GRID2: variants seen among roughly 807,000 people sequenced by gnomAD.
The protein encoded by GRID2 is glutamate receptor ionotropic, delta-2.
In GRID2, 33 loss-of-function variants were observed where a neutral mutation model predicts 114.8. The observed-to-expected ratio is 0.29, with a 90% CI of 0.22 to 0.38. GRID2 has a LOEUF of 0.38. GRID2 is among the 10% of genes least tolerant of loss of function. The pLI, the probability that GRID2 is intolerant of heterozygous loss-of-function variation, is 1.00. For synonymous variants in GRID2, 505 were observed against 449.9 expected, an observed-to-expected ratio of 1.12 and a Z score of -1.55; for missense variants, 1,184 against 1,257.7, an observed-to-expected ratio of 0.94 and a Z score of 0.89.
chr4:93,620,779 G>T (rs1397485243), intron 13 of GRID2, among the ~76,000 whole-genome samples: 4 of 152,130 alleles, frequency 2.6e-5, no homozygotes, highest in Non-Finnish European at 5.9e-5. Flanking sequence ...GCATAAACGA[G>T]AAATGGTCTC....
intron 3 of GRID2, among the ~76,000 whole-genome samples, chr4:93,092,203 A>G (rs1352777090): frequency 6.6e-6 from 1 of 152,120 alleles, no homozygotes; most frequent in African/African-American, 2.4e-5. Context: ...GAGTTCCTTG[A>G]CTACCAGGCC....
Position 93,739,458 on chromosome 4 carries a change from T to C in GRID2, c.2361-29752T>C, listed in dbSNP as rs745915580. On this transcript the variant is annotated intron_variant, in intron 14 of 15. Transcript: ENST00000282020. ...CAAACTGCAGGGCCCATGTTACTTA[T>C]AGCTGCAAATTGGCCCACTGGATAT... is the stretch of plus-strand genomic sequence containing the variant. Among the ~76,000 whole-genome samples, 96 of 152,076 alleles carry C rather than the reference T, an allele frequency of 6.3e-4. 1 individual carries two copies. The highest frequency in any genetic ancestry group is 1.2e-3 in the Non-Finnish European group (83 of 67,994).
intron 1 of GRID2, among the ~76,000 whole-genome samples, chr4:92,564,542 G>A (rs1020297847): frequency 6.6e-6 from 1 of 151,946 alleles, no homozygotes; most frequent in Non-Finnish European, 1.5e-5. Flanking sequence ...TGAAATTGAA[G>A]AAGGCCATCT....
chr4:93,493,084 A>G (rs992168269), intron 12 of GRID2, among the ~76,000 whole-genome samples: 6 of 151,910 alleles, frequency 3.9e-5, no homozygotes, highest in Admixed American at 3.3e-4. Context: ...ATAGCAAAAC[A>G]GTTTTTAATC....
intron 1 of GRID2, among the ~76,000 whole-genome samples, chr4:92,487,709 A>G (rs749008085): frequency 1.3e-5 from 2 of 151,598 alleles, no homozygotes; most frequent in African/African-American, 2.4e-5. Context: ...CAATTTATCA[A>G]TGTTTTCTCT....
At chr4:93,718,328 A>T (rs779780959) in intron 14 of GRID2, among the ~76,000 whole-genome samples, 1 of 152,204 alleles carries the variant, frequency 6.6e-6, no homozygotes, top group African/African-American at 2.4e-5. Context: ...CTATCAGAAG[A>T]TTGACATTGC....
Position 93,772,271 on chromosome 4 carries a change from A to C in GRID2, c.2797A>C (p.Ile933Leu). ...CACTCATATTACCACAACAACCTTTATCCCAGAGCAGATCCAGACTCTTAG... is the reference window on the plus strand; with the variant it reads ...CACTCATATTACCACAACAACCTTTCTCCCAGAGCAGATCCAGACTCTTAG... ...RNTHITTTTF[I>L]PEQIQTLSRT... The change falls in exon 16 of 16, where the codon ATC becomes CTC. Residue 933 changes from isoleucine (I) to leucine (L), a missense_variant. Transcript: ENST00000282020. 1 of 1,614,134 alleles carries C rather than the reference A, an allele frequency of 6.2e-7. No homozygotes were observed. The highest frequency in any genetic ancestry group is 8.5e-7 in the Non-Finnish European group (1 of 1,179,990).
chr4:92,588,199 G>A (rs984754077), intron 1 of GRID2, among the ~76,000 whole-genome samples: 2 of 151,896 alleles, frequency 1.3e-5, no homozygotes, highest in Admixed American at 6.6e-5. Flanking sequence ...TAGCAAGATA[G>A]GTCAAACATT....
chr4:93,796,120 G>C (rs548489635), intron 1 of GRID2, among the ~76,000 whole-genome samples: 47 of 152,194 alleles, frequency 3.1e-4, no homozygotes, highest in African/African-American at 9.9e-4. Flanking sequence ...GCCATTTCCA[G>C]ATGCCCTCCC....
chr4:92,841,238 T>C (rs1281302554), intron 2 of GRID2, among the ~76,000 whole-genome samples: 1 of 152,104 alleles, frequency 6.6e-6, no homozygotes, highest in African/African-American at 2.4e-5. Flanking sequence ...AGCTGAAATC[T>C]TTTTGTCAGA....
At chr4:92,453,258 A>G (rs1721037947) in intron 1 of GRID2, among the ~76,000 whole-genome samples, 1 of 152,230 alleles carries the variant, frequency 6.6e-6, no homozygotes, top group Admixed American at 6.5e-5. Context: ...AGTTGGACTG[A>G]CAGAATCTTG....
rs1416202368 is a variant in GRID2, at chr4:92,581,810, CT to C, written c.89-8320del. On this transcript the variant is annotated intron_variant, in intron 1 of 15. Transcript: ENST00000282020. ...TGAATTATTAAAAATATTTCGGACA[CT>C]AGCTAAATGTAAATTACAATGCACA... 3.9e-5 allele frequency among the ~76,000 whole-genome samples: 6 copies of C among 152,116 alleles called. No individual in the cohort carries two copies. The South Asian group carries it at 1.2e-3, about 32-fold the overall frequency.
At chr4:93,149,243 A>G (rs993717514) in intron 4 of GRID2, among the ~76,000 whole-genome samples, 1 of 152,180 alleles carries the variant, frequency 6.6e-6, no homozygotes. Context: ...CCACAAGGGA[A>G]CCTAGGACAA....
In GRID2 at chr4:93,146,550, G is replaced by A. The variant is rs1414091031; in HGVS notation, c.735+35597G>A. Among the ~76,000 whole-genome samples, 7 of 152,114 alleles carry A rather than the reference G, an allele frequency of 4.6e-5. No homozygotes were observed. In the East Asian group the frequency reaches 1.4e-3, roughly 30 times the overall value. ...GTGCACAAAGAGTGATAATGCATCT[G>A]AAGAGTCTTTCTGGATTCTCTGTGT... is the stretch of plus-strand genomic sequence containing the variant. On this transcript the variant is annotated intron_variant, in intron 4 of 15. Transcript: ENST00000282020.
At chr4:93,668,654 G>C (rs1279231313) in intron 14 of GRID2, among the ~76,000 whole-genome samples, 1 of 152,044 alleles carries the variant, frequency 6.6e-6, no homozygotes, top group Non-Finnish European at 1.5e-5. Flanking sequence ...GCAATTATTA[G>C]GATTTTATTC....
intron 13 of GRID2, among the ~76,000 whole-genome samples, chr4:93,579,943 G>A (rs535384384): frequency 6.6e-6 from 1 of 152,238 alleles, no homozygotes; most frequent in Admixed American, 6.5e-5. Flanking sequence ...TCTGTCATTC[G>A]GATCATCTCC....
intron 10 of GRID2, among the ~76,000 whole-genome samples, chr4:93,434,185 T>C (rs993838070): frequency 4.6e-5 from 7 of 152,196 alleles, no homozygotes; most frequent in African/African-American, 1.4e-4. Context: ...CTCGGATAGA[T>C]TGGTAAAACT....
chr4:93,111,824 A>G (rs955186588), intron 4 of GRID2: 1 of 148,810 alleles, frequency 6.7e-6, no homozygotes, highest in African/African-American at 2.5e-5. Flanking sequence ...AAAGATTCCA[A>G]ATTAGGAACA....
At chr4:92,694,216 T>C (rs1271487786) in intron 2 of GRID2, among the ~76,000 whole-genome samples, 1 of 152,196 alleles carries the variant, frequency 6.6e-6, no homozygotes, top group African/African-American at 2.4e-5. Context: ...GTTGGAATCC[T>C]TGTGCTTGTG....
Sources: gnomAD v4.1 joint callset for allele counts (sites outside exome capture counted in the v4.1 genomes callset) on GRCh38, gnomAD v4.1.1 for gene constraint, MANE v1.5 for transcripts, NCBI Gene and HGNC (gene_info 2026-07-23, HGNC 2026-07-21) for gene names.